Variants in MIPEP observed in about 807,000 individuals in gnomAD.
MIPEP encodes the protein mitochondrial intermediate peptidase.
MIPEP carries 79 observed loss-of-function variants against 90.3 expected under a neutral mutation model. The observed-to-expected ratio is 0.87, with a 90% confidence interval of 0.73 to 1.05. MIPEP has a LOEUF of 1.05. Among genes scored for constraint, MIPEP ranks in the 50% least tolerant of loss-of-function variants. The pLI is 0.00. For missense variants in MIPEP, 940 were observed against 905.6 expected, an observed-to-expected ratio of 1.04 and a Z score of -0.49; for synonymous variants, 334 against 315.8, an observed-to-expected ratio of 1.06 and a Z score of -0.61.
chr13:23,789,418 T>C (rs1228467476), intron 16 of MIPEP, among the ~76,000 whole-genome samples: 2 of 152,204 alleles, frequency 1.3e-5, no homozygotes, highest in Non-Finnish European at 2.9e-5. Flanking sequence ...TGGAATTTAC[T>C]TCATGACAGT....
At chr13:23,822,539 C>G (rs1953318920) in intron 14 of MIPEP, among the ~76,000 whole-genome samples, 1 of 152,142 alleles carries the variant, frequency 6.6e-6, no homozygotes, top group Non-Finnish European at 1.5e-5. Flanking sequence ...TTTCTAGAGC[C>G]CCAACTAGAC....
chr13:23,796,065 A>G (rs757917205), intron 16 of MIPEP, among the ~76,000 whole-genome samples: 11 of 152,066 alleles, frequency 7.2e-5, no homozygotes, highest in Admixed American at 3.9e-4. Flanking sequence ...TTATATATAT[A>G]TGTGTGTGTG....
At chr13:23,808,009 G>C (rs17338049) in intron 15 of MIPEP, among the ~76,000 whole-genome samples, 55,724 of 151,944 alleles carry the variant, frequency 0.37, 11,078 homozygotes, top group Admixed American at 0.5. Flanking sequence ...GCATTCCTGG[G>C]GCCAAGAAAC....
Position 23,839,695 on chromosome 13 carries a change from C to A in MIPEP, c.1292G>T (p.Gly431Val). Reference protein sequence around the residue: ...AVVHESEGLLGYIYCDFFQRA... With the variant: ...AVVHESEGLLVYIYCDFFQRA... ...CTGAAAAAAATCACAGTAAATGTAC[C>A]CCAACAATCCTTCAGATTCATGAAC... Residue 431 changes from glycine to valine, a missense_variant, in exon 12 of 19, where the codon GGG (glycine) becomes GTG (valine). Transcript: ENST00000382172. 6.2e-7 allele frequency: 1 copy of A among 1,612,114 alleles called. No homozygotes were observed. Among genetic ancestry groups the A allele is most frequent in the East Asian group, 2.2e-5 (1 of 44,810 alleles).
At chr13:23,744,895 G>A (rs2138494466) in intron 18 of MIPEP, among the ~76,000 whole-genome samples, 1 of 152,296 alleles carries the variant, frequency 6.6e-6, no homozygotes, top group South Asian at 2.1e-4. Context: ...TCAAAAGGAA[G>A]ACAAAAATAA....
intron 18 of MIPEP, among the ~76,000 whole-genome samples, chr13:23,736,860 C>T (rs1027014579): frequency 6.6e-5 from 10 of 152,196 alleles, no homozygotes; most frequent in African/African-American, 2.4e-4. Flanking sequence ...AGACACCTAT[C>T]TTCACAAGTA....
At chr13:23,800,500 T>C (rs1232957369) in intron 16 of MIPEP, among the ~76,000 whole-genome samples, 1 of 152,196 alleles carries the variant, frequency 6.6e-6, no homozygotes, top group Non-Finnish European at 1.5e-5. Flanking sequence ...TATGTTGTAC[T>C]ATTGCCCTCT....
chr13:23,769,705 G>A (rs9553057), intron 16 of MIPEP, among the ~76,000 whole-genome samples: 31,789 of 152,118 alleles, frequency 0.21, 3,952 homozygotes, highest in East Asian at 0.43. Flanking sequence ...AGATAAACTT[G>A]CAATACAAAA....
At chr13:23,797,005 C>T (rs1266219932) in intron 16 of MIPEP, among the ~76,000 whole-genome samples, 2 of 152,120 alleles carry the variant, frequency 1.3e-5, no homozygotes, top group Non-Finnish European at 2.9e-5. Context: ...GCCAATGTAA[C>T]CCTAAAATAA....
chr13:23,880,105 G>A (rs1054385584), intron 3 of MIPEP, among the ~76,000 whole-genome samples: 2 of 152,152 alleles, frequency 1.3e-5, no homozygotes, highest in African/African-American at 4.8e-5. Context: ...CCACTCACCA[G>A]TCGCTACTCA....
intron 14 of MIPEP, among the ~76,000 whole-genome samples, chr13:23,835,178 G>T (rs75370290): frequency 6.6e-6 from 1 of 151,666 alleles, no homozygotes; most frequent in Non-Finnish European, 1.5e-5. Flanking sequence ...GTGCCACTGC[G>T]CCTGGCTAAC....
intron 18 of MIPEP, among the ~76,000 whole-genome samples, chr13:23,732,325 T>G (rs1187316900): frequency 6.6e-6 from 1 of 152,120 alleles, no homozygotes; most frequent in Non-Finnish European, 1.5e-5. Flanking sequence ...TGAATTGTCA[T>G]ACATTTGTGG....
At chr13:23,763,829 C>T (rs956960884) in intron 16 of MIPEP, among the ~76,000 whole-genome samples, 1 of 152,190 alleles carries the variant, frequency 6.6e-6, no homozygotes, top group Admixed American at 6.5e-5. Context: ...TCAAGACATG[C>T]TAAATAAATT....
chr13:23,831,198 CAG>C (rs1238405719), intron 14 of MIPEP, among the ~76,000 whole-genome samples: 1 of 152,098 alleles, frequency 6.6e-6, no homozygotes, highest in Non-Finnish European at 1.5e-5. Flanking sequence ...GTAAAAGTAT[CAG>C]ACTTTTGCTC....
At chr13:23,767,882 C>T (rs1265641841) in intron 16 of MIPEP, among the ~76,000 whole-genome samples, 1 of 152,152 alleles carries the variant, frequency 6.6e-6, no homozygotes, top group African/African-American at 2.4e-5. Flanking sequence ...TCATTTTCCC[C>T]TTTTTCCTTT....
chr13:23,768,233 G>A (rs909404744), intron 16 of MIPEP, among the ~76,000 whole-genome samples: 4 of 152,114 alleles, frequency 2.6e-5, no homozygotes, highest in Non-Finnish European at 1.5e-5. Flanking sequence ...GTTTACACCC[G>A]GCTTGATTTT....
chr13:23,858,988 T>C (rs887703463), intron 9 of MIPEP, 76 bp from the exon 10 acceptor site: 13 of 1,212,988 alleles, frequency 1.1e-5, no homozygotes, highest in Middle Eastern at 1.9e-4. Flanking sequence ...GGCCAGCCTA[T>C]AGAATGTAAA....
At chr13:23,735,018 C>A in intron 18 of MIPEP, among the ~76,000 whole-genome samples, 1 of 152,246 alleles carries the variant, frequency 6.6e-6, no homozygotes, top group East Asian at 1.9e-4. Flanking sequence ...GGACTTCTTG[C>A]CCTTTCCCCA....
At chr13:23,751,722 T>C (rs537192934) in intron 18 of MIPEP, among the ~76,000 whole-genome samples, 72 of 152,176 alleles carry the variant, frequency 4.7e-4, no homozygotes, top group African/African-American at 1.7e-3. Context: ...AACCCAAAAC[T>C]AACTGGGCCA....
Sources: gnomAD v4.1 joint callset for allele counts (sites outside exome capture counted in the v4.1 genomes callset) on GRCh38, gnomAD v4.1.1 for gene constraint, MANE v1.5 for transcripts, NCBI Gene and HGNC (gene_info 2026-07-23, HGNC 2026-07-21) for gene names.